GRIN2B: variants seen among roughly 807,000 people sequenced by gnomAD.
GRIN2B encodes the protein glutamate ionotropic receptor NMDA type subunit 2B.
Under a neutral mutation model 114.5 loss-of-function variants are expected in GRIN2B, and 5 were observed. The observed-to-expected ratio is 0.04, with a 90% CI of 0.02 to 0.09. The LOEUF is 0.09. GRIN2B is among the 10% of genes least tolerant of loss of function. GRIN2B has a pLI of 1.00. For synonymous variants in GRIN2B, 787 were observed against 745.1 expected (o/e 1.06, Z -0.92); for missense variants, 1,108 against 1,943.5 (o/e 0.57, Z 8.08).
chr12:13,694,615 A>G (rs1950242427), intron 4 of GRIN2B, among the ~76,000 whole-genome samples: 1 of 139,608 alleles, frequency 7.2e-6, no homozygotes, highest in Non-Finnish European at 1.5e-5. Flanking sequence ...CATTAAGTCC[A>G]CTACAGTAGC....
intron 2 of GRIN2B, among the ~76,000 whole-genome samples, chr12:13,930,165 C>G (rs563312801): frequency 6.6e-6 from 1 of 152,160 alleles, no homozygotes; most frequent in Non-Finnish European, 1.5e-5. Context: ...GCCTGGGCAA[C>G]AGAGCCAGAC....
chr12:13,716,121 A>G (rs1950453031), intron 4 of GRIN2B, among the ~76,000 whole-genome samples: 1 of 151,940 alleles, frequency 6.6e-6, no homozygotes, highest in South Asian at 2.1e-4. Context: ...ACCAGGTTGA[A>G]AACTCCTTGG....
chr12:13,709,782 A>G (rs1241435890), intron 4 of GRIN2B, among the ~76,000 whole-genome samples: 1 of 151,988 alleles, frequency 6.6e-6, no homozygotes, highest in Admixed American at 6.6e-5. Context: ...CTGATTTCCT[A>G]TATTACATTC....
chr12:13,602,663 C>T (rs1949176793), intron 10 of GRIN2B, among the ~76,000 whole-genome samples: 1 of 152,110 alleles, frequency 6.6e-6, no homozygotes, highest in African/African-American at 2.4e-5. Flanking sequence ...AAAGTCATGC[C>T]CTTCCTATAT....
intron 3 of GRIN2B, among the ~76,000 whole-genome samples, chr12:13,789,810 T>A (rs1864287717): frequency 6.6e-6 from 1 of 152,178 alleles, no homozygotes; most frequent in Non-Finnish European, 1.5e-5. Context: ...GAAATTAACT[T>A]GCTGTTACTA....
intron 10 of GRIN2B, among the ~76,000 whole-genome samples, chr12:13,584,478 T>C: frequency 6.6e-6 from 1 of 152,228 alleles, no homozygotes; most frequent in East Asian, 1.9e-4. Flanking sequence ...ATTTATTATA[T>C]GAAAAACTCC....
chr12:13,703,381 A>G (rs1203987092), intron 4 of GRIN2B, among the ~76,000 whole-genome samples: 1 of 152,148 alleles, frequency 6.6e-6, no homozygotes, highest in Non-Finnish European at 1.5e-5. Context: ...CTCACATGCT[A>G]TATGTTCATT....
intron 5 of GRIN2B, among the ~76,000 whole-genome samples, chr12:13,661,402 C>T (rs532759744): frequency 6.6e-6 from 1 of 152,210 alleles, no homozygotes; most frequent in Non-Finnish European, 1.5e-5. Flanking sequence ...TTCCAGGGTA[C>T]ATCTGGAGAT....
At chr12:13,644,524 C>T (rs758663591) in intron 5 of GRIN2B, among the ~76,000 whole-genome samples, 7 of 152,256 alleles carry the variant, frequency 4.6e-5, no homozygotes, top group Admixed American at 2.0e-4. Context: ...AACTTAAAAT[C>T]ATCAGCTGCA....
At chr12:13,980,983 G>A (rs944241730) in intron 1 of GRIN2B, among the ~76,000 whole-genome samples, 3 of 152,112 alleles carry the variant, frequency 2.0e-5, no homozygotes, top group Non-Finnish European at 2.9e-5. Context: ...CACTCACGCT[G>A]CCGCCGCGCT....
intron 3 of GRIN2B, among the ~76,000 whole-genome samples, chr12:13,854,978 A>G (rs995475941): frequency 2.7e-5 from 4 of 149,460 alleles, no homozygotes; most frequent in African/African-American, 9.9e-5. Flanking sequence ...TGGAAGGCCA[A>G]GGTGGGTGGA....
intron 5 of GRIN2B, 60 bp downstream of exon 5, chr12:13,675,680 ATTGTG>A: frequency 1.0e-6 from 1 of 982,530 alleles, no homozygotes; most frequent in East Asian, 2.4e-5. Context: ...ACTTTCCTTC[ATTGTG>A]TTGCAAAATT....
chr12:13,946,003 G>T (rs1381888686), intron 2 of GRIN2B, among the ~76,000 whole-genome samples: 2 of 152,192 alleles, frequency 1.3e-5, no homozygotes, highest in Non-Finnish European at 2.9e-5. Flanking sequence ...AGCTCTGTGG[G>T]AAATTCCAGA....
chr12:13,718,343 A>T (rs565377326), intron 4 of GRIN2B, among the ~76,000 whole-genome samples: 1 of 152,048 alleles, frequency 6.6e-6, no homozygotes, highest in Non-Finnish European at 1.5e-5. Flanking sequence ...ATCAGTCAAG[A>T]AACTTAACCA....
In GRIN2B at chr12:13,981,149, C is replaced by A. The variant is rs973743368; in HGVS notation, c.-448+193G>T. Among the ~76,000 whole-genome samples, 4 of 120,542 alleles carry A rather than the reference C, an allele frequency of 3.3e-5. No homozygotes were observed. The South Asian group carries it at 1.3e-3, about 38-fold the overall frequency. The allele number at this position is 120,542 out of a possible 152,430, so 79.1% of individuals were successfully genotyped here. ...GAGACAGCCCTACCCAGTCACAGCACCCCCTCCCCCACAAAAAAAAAAAAC... is the reference window on the plus strand; with the variant it reads ...GAGACAGCCCTACCCAGTCACAGCAACCCCTCCCCCACAAAAAAAAAAAAC... On this transcript the variant is annotated intron_variant, in intron 1 of 13. Coordinates refer to ENST00000609686, the MANE Select transcript of GRIN2B (RefSeq NM_000834.5).
At chr12:13,837,705 G>A (rs1865300563) in intron 3 of GRIN2B, among the ~76,000 whole-genome samples, 1 of 152,192 alleles carries the variant, frequency 6.6e-6, no homozygotes, top group African/African-American at 2.4e-5. Flanking sequence ...TGGTGGTGCA[G>A]GATGTCCAAA....
chr12:13,804,332 T>C (rs1441313293), intron 3 of GRIN2B, among the ~76,000 whole-genome samples: 1 of 152,046 alleles, frequency 6.6e-6, no homozygotes, highest in Non-Finnish European at 1.5e-5. Context: ...GGTTTGTTAG[T>C]GTTTCAGATT....
In GRIN2B at chr12:13,979,958, G is replaced by T. The variant is rs1863101539; in HGVS notation, c.-49C>A. 1 of 152,132 alleles carries T rather than the reference G, an allele frequency of 6.6e-6. No individual in the cohort carries two copies. Among genetic ancestry groups the T allele is most frequent in the Non-Finnish European group, 1.5e-5 (1 of 68,026 alleles). The allele number at this position is 152,132 out of a possible 1,614,324, so 9.4% of individuals were successfully genotyped here. ...TTTGTAGAAGCCAAACCTCTAGACGGACAGATTAAGGGAGTGAGCATGTTG... is the reference window on the plus strand; with the variant it reads ...TTTGTAGAAGCCAAACCTCTAGACGTACAGATTAAGGGAGTGAGCATGTTG... On this transcript the variant is annotated 5_prime_UTR_variant, in exon 2 of 14. Coordinates refer to ENST00000609686, the MANE Select transcript of GRIN2B (RefSeq NM_000834.5).
chr12:13,564,330 A>G lies in GRIN2B; in HGVS notation c.2908T>C (p.Phe970Leu). The G allele has an allele frequency of 6.2e-7, 1 of 1,614,174 alleles. No homozygotes were observed. Among genetic ancestry groups the G allele is most frequent in the Non-Finnish European group, 8.5e-7 (1 of 1,180,016 alleles). The change falls in exon 14 of 14, where the codon TTC (phenylalanine) becomes CTC (leucine). Residue 970 changes from phenylalanine (F) to leucine (L), a missense_variant. Physicochemically the swap from Phe to Leu is conservative, Grantham distance 22. Transcript: ENST00000609686. The surrounding 1 kb of genome is among the most constrained non-coding windows in gnomAD (Gnocchi z 4.8). Reference protein sequence around the residue: ...SDYISEVERTFGNLQLKDSNV... With the variant: ...SDYISEVERTLGNLQLKDSNV... The stretch of plus-strand genomic sequence containing the variant: ...CTGTCCTTCAGCTGCAGGTTCCCGA[A>G]CGTTCTCTCTACCTCACTGATGTAG...
Sources: allele counts gnomAD v4.1 joint callset (sites outside exome capture counted in the v4.1 genomes callset), GRCh38; gene constraint gnomAD v4.1.1; non-coding constraint Gnocchi (gnomAD v3.1); transcripts MANE v1.5; gene names NCBI Gene and HGNC (gene_info 2026-07-23, HGNC 2026-07-21).